FBXL19: variants seen among roughly 807,000 people sequenced by gnomAD.
The protein encoded by FBXL19 is F-box/LRR-repeat protein 19.
In FBXL19, 16 loss-of-function variants were observed where a neutral mutation model predicts 71.2. The ratio of observed to expected loss-of-function variants is 0.22; its 90% CI spans 0.15 to 0.34. The LOEUF is 0.34. Among genes scored for constraint, FBXL19 ranks in the 10% least tolerant of loss-of-function variants. The probability of loss-of-function intolerance (pLI) is 1.00; values close to 1 mark genes in which losing one functional copy is unlikely to be tolerated. For synonymous variants in FBXL19, 447 were observed against 409.4 expected, an observed-to-expected ratio of 1.09 and a Z score of -1.11; for missense variants, 658 against 968.2, an observed-to-expected ratio of 0.68 and a Z score of 4.25.
rs781462362 is a variant in FBXL19, at chr16:30,928,641, C to T, written c.789+13C>T. 9.8e-6 allele frequency: 15 copies of T among 1,529,346 alleles called. No homozygotes were observed. In the East Asian group the frequency reaches 3.7e-4, roughly 38 times the overall value. 94.7% of individuals were successfully genotyped at this position (1,529,346 alleles called of 1,614,324 possible). A position where few individuals can be genotyped will look rare whatever the true frequency, so the allele number is the denominator to read the frequency against. On this transcript the variant is annotated intron_variant, in intron 6 of 10. Transcript: ENST00000338343. ...CGAGAACTGGGAGGTGTGCCGGGGA[C>T]CTCCTCCCTCCCCTTCCCACCTTCC...
Position 30,946,370 on chromosome 16 carries a change from A to G in FBXL19, c.1628-360A>G, listed in dbSNP as rs1388140695. Among the ~76,000 whole-genome samples, 1 of 152,096 alleles carries G rather than the reference A, an allele frequency of 6.6e-6. No individual in the cohort carries two copies. The highest frequency in any genetic ancestry group is 1.5e-5 in the Non-Finnish European group (1 of 68,020). On this transcript the variant is annotated intron_variant, in intron 9 of 10. Transcript: ENST00000338343. The surrounding 1 kb of genome is among the most constrained non-coding windows in gnomAD (Gnocchi z 6.7). ...AGGCGCCTGCCACCATACCCGGCTA[A>G]TTTTTGTATGTTGAGTAGAGACAAG...
intron 6 of FBXL19, among the ~76,000 whole-genome samples, chr16:30,929,263 G>T (rs559558305): frequency 6.6e-6 from 1 of 152,140 alleles, no homozygotes; most frequent in African/African-American, 2.4e-5. Flanking sequence ...TTTAAGCCTC[G>T]GTTTCCTCAT....
In FBXL19 at chr16:30,927,164, C is replaced by T. The variant is rs905290494; in HGVS notation, c.178-144C>T. The T allele has an allele frequency of 8.8e-5, 70 of 797,840 alleles. No individual in the cohort carries two copies. The African/African-American group carries it at 1.2e-3, about 13-fold the overall frequency. The allele number at this position is 797,840 out of a possible 1,614,324, so 49.4% of individuals were successfully genotyped here. ...AAATCAGTTGCTTGAGGTCACACTC[C>T]CAAAAGGAGCAAACTCAGGATCAGA... On this transcript the variant is annotated intron_variant, in intron 2 of 10. Transcript: ENST00000338343.
rs376320900 is a variant in FBXL19, at chr16:30,928,541, C to T, written c.702C>T (p.Gly234=). 13 of 1,607,912 alleles carry T rather than the reference C, an allele frequency of 8.1e-6. No individual in the cohort carries two copies. Among genetic ancestry groups the T allele is most frequent in the South Asian group, 3.3e-5 (3 of 90,382 alleles). Residue 234 remains glycine, a synonymous_variant, in exon 6 of 11, where the codon GGC becomes GGT. Coordinates refer to ENST00000338343, the MANE Select transcript of FBXL19 (RefSeq NM_001382779.1). ...DACLLRGSDP[G]GPGLLPPRVL... ...GCCTCCTCCGAGGATCGGACCCAGG[C>T]GGCCCGGGCCTGCTGCCCCCCAGGG...
At chr16:30,941,353 G>T (rs2143378220) in intron 7 of FBXL19, among the ~76,000 whole-genome samples, 1 of 152,264 alleles carries the variant, frequency 6.6e-6, no homozygotes, top group Middle Eastern at 3.4e-3. Flanking sequence ...GGTGACATGT[G>T]CCTGTGGTCC....
At position 30,944,420 on chromosome 16, in the gene FBXL19, C is replaced by T. The variant is rs1656936628; in HGVS notation, c.1627+1884C>T. The stretch of plus-strand genomic sequence containing the variant: ...GTGTCCATGTGTTCTCATCATTTAG[C>T]TCCCATTTCTAAGTGAGAACATGCA... On this transcript the variant is annotated intron_variant, in intron 9 of 10. Coordinates refer to ENST00000338343, the MANE Select transcript of FBXL19 (RefSeq NM_001382779.1). Among the ~76,000 whole-genome samples the T allele has an allele frequency of 2.0e-5, 3 of 151,934 alleles. No individual in the cohort carries two copies. The South Asian group carries it at 6.2e-4, about 32-fold the overall frequency.
intron 7 of FBXL19, among the ~76,000 whole-genome samples, chr16:30,939,511 T>C (rs2055777939): frequency 6.6e-6 from 1 of 150,880 alleles, no homozygotes; most frequent in Non-Finnish European, 1.5e-5. Context: ...CCTCCCAGAT[T>C]CACGCCATTC....
intron 7 of FBXL19, among the ~76,000 whole-genome samples, chr16:30,936,698 A>G (rs1323703254): frequency 2.8e-5 from 4 of 142,152 alleles, no homozygotes; most frequent in Non-Finnish European, 4.5e-5. Context: ...CACCTGCCTC[A>G]GCCTCCCAAA....
chr16:30,941,973 C>A, intron 7 of FBXL19, 143 bp from the exon 8 acceptor site: 3 of 877,020 alleles, frequency 3.4e-6, no homozygotes, highest in Non-Finnish European at 4.8e-6. Context: ...GTGCTCTTGG[C>A]TGAGGTCAGG....
intron 7 of FBXL19, among the ~76,000 whole-genome samples, chr16:30,939,859 G>C (rs2055782269): frequency 6.6e-6 from 1 of 152,106 alleles, no homozygotes; most frequent in Non-Finnish European, 1.5e-5. Context: ...AGAGTCATGA[G>C]GGCAGGGAGG....
At chr16:30,924,643 T>C in intron 1 of FBXL19, 184 bp downstream of exon 1, 1 of 1,392,056 alleles carries the variant, frequency 7.2e-7, no homozygotes, top group Non-Finnish European at 9.3e-7. Flanking sequence ...TCCTAGACCC[T>C]GCTTCCCCTT....
chr16:30,939,815 C>A (rs1481966711), intron 7 of FBXL19, among the ~76,000 whole-genome samples: 2 of 151,990 alleles, frequency 1.3e-5, no homozygotes, highest in East Asian at 3.9e-4. Flanking sequence ...GAATCACTGC[C>A]CCAGCCCAGG....
chr16:30,924,613 C>T, intron 1 of FBXL19, 154 bp downstream of exon 1: 3 of 1,371,382 alleles, frequency 2.2e-6, no homozygotes, highest in Non-Finnish European at 9.4e-7. Flanking sequence ...ACCTCTCCAC[C>T]CTGGGGAACT....
At position 30,925,622 on chromosome 16, in the gene FBXL19, C is replaced by T; in HGVS notation, c.-24-109C>T. Reference sequence around the variant, plus strand: ...AGAAGGGGGTGACCTCCTTGTCCCCCTGAGGAAGAGGGCAGGCTCTAGCTG... The same window carrying T: ...AGAAGGGGGTGACCTCCTTGTCCCCTTGAGGAAGAGGGCAGGCTCTAGCTG... On this transcript the variant is annotated intron_variant, in intron 1 of 10. Coordinates refer to ENST00000338343, the MANE Select transcript of FBXL19 (RefSeq NM_001382779.1). This position sits in a 1 kb window ranked among gnomAD's most constrained non-coding sequence, Gnocchi z 5.0. 1 of 1,231,792 alleles carries T rather than the reference C, an allele frequency of 8.1e-7. No homozygotes were observed. Among genetic ancestry groups the T allele is most frequent in the East Asian group, 3.3e-5 (1 of 30,680 alleles). 76.3% of individuals were successfully genotyped at this position (1,231,792 alleles called of 1,614,324 possible).
chr16:30,923,522 G>GGGA (rs530252545), upstream of FBXL19, among the ~76,000 whole-genome samples: 79 of 145,070 alleles, frequency 5.4e-4, no homozygotes, highest in African/African-American at 1.6e-3. Flanking sequence ...AGTAAAGAGG[G>GGGA]GGAGGAGGAG....
At chr16:30,926,559 G>A (rs760695669) in intron 2 of FBXL19, among the ~76,000 whole-genome samples, 3 of 151,834 alleles carry the variant, frequency 2.0e-5, no homozygotes, top group African/African-American at 7.3e-5. Context: ...CCCAGCAGCC[G>A]CGAGGAGCCA....
rs964188439 is a variant in FBXL19 at position 30,924,832 on chromosome 16, GT to G, written c.-25+376del. Reference sequence around the variant, plus strand: ...TCCACATGGGATCTTGGAGGATCTGGTTTCCATGGGAGGGGGAGCCCAAGGG... The same window carrying G: ...TCCACATGGGATCTTGGAGGATCTGGTTCCATGGGAGGGGGAGCCCAAGGG... On this transcript the variant is annotated intron_variant, in intron 1 of 10. Coordinates refer to ENST00000338343, the MANE Select transcript of FBXL19 (RefSeq NM_001382779.1). 6.2e-6 allele frequency: 8 copies of G among 1,289,140 alleles called. No homozygotes were observed. The African/African-American group carries it at 1.2e-4, about 20-fold the overall frequency. 79.9% of individuals were successfully genotyped at this position (1,289,140 alleles called of 1,614,324 possible).
chr16:30,931,351 T>A (rs2055671664), intron 7 of FBXL19, among the ~76,000 whole-genome samples: 3 of 152,136 alleles, frequency 2.0e-5, no homozygotes, highest in Admixed American at 2.0e-4. Flanking sequence ...TCCCATCAGT[T>A]GCTGGGGTGG....
At chr16:30,937,527 G>A (rs1351547330) in intron 7 of FBXL19, among the ~76,000 whole-genome samples, 1 of 152,134 alleles carries the variant, frequency 6.6e-6, no homozygotes, top group Non-Finnish European at 1.5e-5. Context: ...CTTGGGATCA[G>A]TAGGGCCCTC....
Sources: gnomAD v4.1 joint callset for allele counts (sites outside exome capture counted in the v4.1 genomes callset) on GRCh38, gnomAD v4.1.1 for gene constraint, Gnocchi (gnomAD v3.1) non-coding constraint, MANE v1.5 for transcripts, NCBI Gene and HGNC (gene_info 2026-07-23, HGNC 2026-07-21) for gene names.